GPLD1: variants seen among roughly 807,000 people sequenced by gnomAD.
GPLD1 encodes glycosylphosphatidylinositol specific phospholipase D1, also known as phosphatidylinositol-glycan-specific phospholipase D.
In GPLD1, 84 loss-of-function variants were observed where a neutral mutation model predicts 112.6. That is an observed-to-expected ratio of 0.75 (90% CI 0.63 to 0.89). The LOEUF is 0.89. Among genes scored for constraint, GPLD1 ranks in the 40% least tolerant of loss-of-function variants. The pLI, the probability that GPLD1 is intolerant of heterozygous loss-of-function variation, is 0.00. For missense variants in GPLD1, 1,044 were observed against 1,051.5 expected (o/e 0.99, Z 0.10); for synonymous variants, 386 against 403.8 (o/e 0.96, Z 0.53).
In GPLD1 at chr6:24,429,161, T is replaced by C. The variant is rs763048838; in HGVS notation, c.2437-43A>G. 2.1e-5 allele frequency: 26 copies of C among 1,230,716 alleles called. 1 individual carries two copies. Among genetic ancestry groups the C allele is most frequent in the Middle Eastern group, 3.7e-4 (2 of 5,346 alleles). 76.2% of individuals were successfully genotyped at this position (1,230,716 alleles called of 1,614,324 possible). A position where few individuals can be genotyped will look rare whatever the true frequency, so the allele number is the denominator to read the frequency against. On this transcript the variant is annotated intron_variant, in intron 24 of 24. Coordinates refer to ENST00000230036, the MANE Select transcript of GPLD1 (RefSeq NM_001503.4). ...CAGAATTCATGGCTCATTCATAACA[T>C]CTATTGAGTTCCTATGGTAGTCCAG... is the stretch of plus-strand genomic sequence containing the variant.
chr6:24,482,275 A>AT (rs753817010), intron 2 of GPLD1, among the ~76,000 whole-genome samples: 15 of 145,576 alleles, frequency 1.0e-4, no homozygotes, highest in African/African-American at 2.7e-4. Flanking sequence ...TAATTTTTGT[A>AT]TTTTTTTTCT....
intron 1 of GPLD1, among the ~76,000 whole-genome samples, chr6:24,488,735 A>G (rs1243651227): frequency 6.6e-6 from 1 of 152,176 alleles, no homozygotes; most frequent in Non-Finnish European, 1.5e-5. Context: ...ATTTTTGTCA[A>G]TTATACATCA....
chr6:24,474,206 C>CACACATATAT (rs1386205113), intron 5 of GPLD1, among the ~76,000 whole-genome samples: 1 of 120,734 alleles, frequency 8.3e-6, no homozygotes, highest in African/African-American at 2.5e-5. Context: ...CACACACACA[C>CACACATATAT]ATATATATGC....
intron 20 of GPLD1, among the ~76,000 whole-genome samples, chr6:24,442,534 T>C (rs1762782480): frequency 7.0e-6 from 1 of 142,904 alleles, no homozygotes; most frequent in African/African-American, 2.6e-5. Flanking sequence ...AAGCTCTGGC[T>C]CCGGGATTCA....
chr6:24,432,791 C>A (rs185502703), intron 24 of GPLD1, among the ~76,000 whole-genome samples: 10 of 152,208 alleles, frequency 6.6e-5, no homozygotes, highest in African/African-American at 2.4e-4. Flanking sequence ...ACAGCAGCCA[C>A]GCGCAGTCCA....
rs955042230 is a variant in GPLD1 at position 24,426,616 on chromosome 6, T to G, written c.*2416A>C. ...AGAGGCCTTATCATTTAGTGAAGCATAAAAACTGACACTATATAAATGCAT... is the reference window on the plus strand; with the variant it reads ...AGAGGCCTTATCATTTAGTGAAGCAGAAAAACTGACACTATATAAATGCAT... On this transcript the variant is annotated 3_prime_UTR_variant, in exon 25 of 25. Coordinates refer to ENST00000230036, the MANE Select transcript of GPLD1 (RefSeq NM_001503.4). Among the ~76,000 whole-genome samples the G allele has an allele frequency of 2.6e-5, 4 of 152,172 alleles. No individual in the cohort carries two copies. The highest frequency in any genetic ancestry group is 9.7e-5 in the African/African-American group (4 of 41,436).
In GPLD1 at chr6:24,462,753, G is replaced by A. The variant is rs147826364; in HGVS notation, c.864C>T (p.Gly288=). The A allele has an allele frequency of 6.4e-5, 103 of 1,612,918 alleles. No individual in the cohort carries two copies. Among genetic ancestry groups the A allele is most frequent in the African/African-American group, 6.0e-4 (45 of 74,994 alleles). Residue 288 remains glycine (G), a synonymous_variant, in exon 11 of 25, where the codon GGC becomes GGT. Coordinates refer to ENST00000230036, the MANE Select transcript of GPLD1 (RefSeq NM_001503.4). ...ACCCCTGGGTGTGGTTTTGCTGGCC[G>A]CCACATGCAATGAACAGAGGGTTCT... is the stretch of plus-strand genomic sequence containing the variant. ...LPENPLFIAC[G]GQQNHTQGSK... is the part of the protein sequence containing the mutation.
At chr6:24,442,422 A>ATTTTTTTTTTTTTTTTTT (rs71002496) in intron 20 of GPLD1, among the ~76,000 whole-genome samples, 1 of 60,618 alleles carries the variant, frequency 1.6e-5, no homozygotes, top group Non-Finnish European at 2.9e-5. Context: ...CATCTGGCTA[A>ATTTTTTTTTTTTTTTTTT]TTTTTTTTTT....
chr6:24,474,769 G>A (rs1035232949), intron 5 of GPLD1, among the ~76,000 whole-genome samples: 2 of 151,976 alleles, frequency 1.3e-5, no homozygotes, highest in South Asian at 2.1e-4. Flanking sequence ...GTGAGACCCC[G>A]TCTCTACTAA....
At chr6:24,469,734 T>C (rs900554017) in intron 7 of GPLD1, among the ~76,000 whole-genome samples, 2 of 148,986 alleles carry the variant, frequency 1.3e-5, no homozygotes, top group African/African-American at 4.9e-5. Context: ...CATATGTAAC[T>C]AACCTGCACA....
At chr6:24,486,356 G>T (rs1764376849) in intron 1 of GPLD1, among the ~76,000 whole-genome samples, 1 of 152,186 alleles carries the variant, frequency 6.6e-6, no homozygotes, top group Non-Finnish European at 1.5e-5. Flanking sequence ...TAAAGTTTCT[G>T]CTTAACTATT....
intron 22 of GPLD1, among the ~76,000 whole-genome samples, chr6:24,435,122 C>T (rs576801198): frequency 6.6e-6 from 1 of 151,688 alleles, no homozygotes; most frequent in South Asian, 2.1e-4. Flanking sequence ...CGCCATTCTC[C>T]TGCCTCAGCC....
Position 24,460,431 on chromosome 6 carries a change from C to T in GPLD1, c.888-32G>A, listed in dbSNP as rs200979075. 553 of 1,607,320 alleles carry T rather than the reference C, an allele frequency of 3.4e-4. 1 individual carries two copies. Among genetic ancestry groups the T allele is most frequent in the Non-Finnish European group, 4.5e-4 (524 of 1,177,464 alleles). On this transcript the variant is annotated intron_variant, in intron 11 of 24. Transcript: ENST00000230036. The stretch of plus-strand genomic sequence containing the variant: ...AAGAGAAAGAGGAATAAACTGGTTA[C>T]GACTGAGAAAACAACCCCCTGTAAA...
chr6:24,450,581 T>C (rs1763049719), intron 14 of GPLD1, among the ~76,000 whole-genome samples: 1 of 152,238 alleles, frequency 6.6e-6, no homozygotes, highest in Non-Finnish European at 1.5e-5. Context: ...ATTTGTTGAA[T>C]ACTCAGGATG....
At chr6:24,438,849 T>C (rs793669) in intron 20 of GPLD1, among the ~76,000 whole-genome samples, 110,238 of 151,778 alleles carry the variant, frequency 0.73, 41,437 homozygotes, top group Non-Finnish European at 0.84. Context: ...TACAGCGGCG[T>C]GATCTCGGCT....
Position 24,428,197 on chromosome 6 carries a change from T to C in GPLD1, c.*835A>G, listed in dbSNP as rs562790387. 2 of 150,476 alleles carry C rather than the reference T, an allele frequency of 1.3e-5. No individual in the cohort carries two copies. The highest frequency in any genetic ancestry group is 6.7e-5 in the Admixed American group (1 of 15,016). 9.3% of individuals were successfully genotyped at this position (150,476 alleles called of 1,614,324 possible). A position where few individuals can be genotyped will look rare whatever the true frequency, so the allele number is the denominator to read the frequency against. On this transcript the variant is annotated 3_prime_UTR_variant, in exon 25 of 25. Transcript: ENST00000230036. ...TTTCTGTATACTATGCTTTCTATTA[T>C]ACTTTGATTGGCATGGGCCAATCTG...
intron 1 of GPLD1, among the ~76,000 whole-genome samples, chr6:24,488,784 T>C (rs2127374265): frequency 6.6e-6 from 1 of 152,330 alleles, no homozygotes; most frequent in Middle Eastern, 3.4e-3. Flanking sequence ...TAACTCTTTG[T>C]GGTGCCATCT....
At chr6:24,489,668 A>G, upstream of GPLD1, 1 of 1,297,906 alleles carries the variant, frequency 7.7e-7, no homozygotes, top group East Asian at 2.6e-5. Context: ...TCGTTTTCCA[A>G]TGAAGTCAAC....
intron 10 of GPLD1, among the ~76,000 whole-genome samples, chr6:24,465,084 C>T (rs991324463): frequency 6.6e-6 from 1 of 151,316 alleles, no homozygotes; most frequent in African/African-American, 2.4e-5. Context: ...GTAGTCATAA[C>T]TACTCGGGAA....
Sources: gnomAD v4.1 joint callset for allele counts (sites outside exome capture counted in the v4.1 genomes callset) on GRCh38, gnomAD v4.1.1 for gene constraint, MANE v1.5 for transcripts, NCBI Gene and HGNC (gene_info 2026-07-23, HGNC 2026-07-21) for gene names.